Variants in TMEM132A observed in about 807,000 individuals in gnomAD.
TMEM132A encodes GRP78-binding protein.
TMEM132A carries 48 observed loss-of-function variants against 69.9 expected under a neutral mutation model. The ratio of observed to expected loss-of-function variants is 0.69; its 90% CI spans 0.55 to 0.87. TMEM132A has a LOEUF of 0.87. Ranked by LOEUF, TMEM132A falls within the 40% of genes least tolerant of loss-of-function variation. The pLI is 0.00. For missense variants in TMEM132A, 1,287 were observed against 1,407.2 expected, an observed-to-expected ratio of 0.91 and a Z score of 1.37; for synonymous variants, 577 against 613.7, an observed-to-expected ratio of 0.94 and a Z score of 0.88.
At chr11:60,930,100 G>A (rs578038629) in intron 4 of TMEM132A, among the ~76,000 whole-genome samples, 1 of 152,364 alleles carries the variant, frequency 6.6e-6, no homozygotes, top group African/African-American at 2.4e-5. Context: ...AGCATCAGCA[G>A]GTAAAGTAAG....
At position 60,935,756 on chromosome 11, in the gene TMEM132A, G is replaced by C. The variant is rs1488637936; in HGVS notation, c.2029-108G>C. 13 of 1,325,054 alleles carry C rather than the reference G, an allele frequency of 9.8e-6. No individual in the cohort carries two copies. The highest frequency in any genetic ancestry group is 2.1e-5 in the Admixed American group (1 of 47,900). The allele number at this position is 1,325,054 out of a possible 1,614,324, so 82.1% of individuals were successfully genotyped here. A position where few individuals can be genotyped will look rare whatever the true frequency, so the allele number is the denominator to read the frequency against. ...GTTTTGTCTATCTGCCTGTGTCTCT[G>C]TTTTCTCTCTGGTCTCTCCTCCATG... On this transcript the variant is annotated intron_variant, in intron 10 of 10. Transcript: ENST00000453848. This position sits in a 1 kb window ranked among gnomAD's most constrained non-coding sequence, Gnocchi z 5.0.
At position 60,924,731 on chromosome 11, in the gene TMEM132A, G is replaced by A. The variant is rs757440298; in HGVS notation, c.98G>A (p.Arg33Lys). The A allele has an allele frequency of 6.4e-7, 1 of 1,566,438 alleles. No homozygotes were observed. Among genetic ancestry groups the A allele is most frequent in the Non-Finnish European group, 8.6e-7 (1 of 1,164,146 alleles). Residue 33 changes from arginine (R) to lysine (K), a missense_variant and splice_region_variant, in exon 1 of 11, where the codon AGA becomes AAA. Physicochemically the swap from Arg to Lys is conservative, Grantham distance 26. Coordinates refer to ENST00000453848, the MANE Select transcript of TMEM132A (RefSeq NM_178031.3). The stretch of plus-strand genomic sequence containing the variant: ...GTGGCCCTCGCCCTGGACGTCGTGA[G>A]AGGTCAGCGGGAGGGGAGGGCCGGG... Reference protein sequence around the residue: ...LLVALALDVVRVDCGQAPLDP... With the variant: ...LLVALALDVVKVDCGQAPLDP...
intron 1 of TMEM132A, chr11:60,925,131 C>T (rs1455205978): frequency 1.2e-5 from 2 of 163,254 alleles, no homozygotes; most frequent in East Asian, 1.8e-4. Flanking sequence ...CACCAACCCA[C>T]CCCCCTCGGG....
chr11:60,928,690 C>A lies in TMEM132A; in HGVS notation c.596C>A (p.Ser199Tyr). The change falls in exon 4 of 11, where the codon TCC (serine) becomes TAC (tyrosine). Residue 199 changes from serine to tyrosine, a missense_variant. Transcript: ENST00000453848. Reference sequence around the variant, plus strand: ...CCCTCGCACTGGTTCTCACAGGCCTCCACCACACGGGCCGAGCTGGCCTAC... The same window carrying A: ...CCCTCGCACTGGTTCTCACAGGCCTACACCACACGGGCCGAGCTGGCCTAC... Reference protein sequence around the residue: ...ELPSHWFSQASTTRAELAYTL... With the variant: ...ELPSHWFSQAYTTRAELAYTL... 6.2e-7 allele frequency: 1 copy of A among 1,611,154 alleles called. No homozygotes were observed. Among genetic ancestry groups the A allele is most frequent in the Non-Finnish European group, 8.5e-7 (1 of 1,179,846 alleles).
intron 1 of TMEM132A, among the ~76,000 whole-genome samples, chr11:60,926,287 A>G (rs1856345173): frequency 6.6e-6 from 1 of 152,116 alleles, no homozygotes; most frequent in Non-Finnish European, 1.5e-5. Flanking sequence ...AATACCTGGG[A>G]TCAACCCCCA....
rs760031724 is a variant in TMEM132A, at chr11:60,924,693, G to C, written c.60G>C (p.Trp20Cys). The change falls in exon 1 of 11, where the codon TGG (tryptophan) becomes TGC (cysteine). Residue 20 changes from tryptophan (W) to cysteine (C), a missense_variant. Trp to Cys is a radical substitution (Grantham distance 215). Transcript: ENST00000453848. Reference sequence around the variant, plus strand: ...CCCCTCGGGGGCCCTACGGCCCCTGGCTCTGCCTCCTGGTGGCCCTCGCCC... The same window carrying C: ...CCCCTCGGGGGCCCTACGGCCCCTGCCTCTGCCTCCTGGTGGCCCTCGCCC... ...TAAPRGPYGP[W>C]LCLLVALALD... The C allele has an allele frequency of 6.3e-7, 1 of 1,591,028 alleles. No homozygotes were observed. Among genetic ancestry groups the C allele is most frequent in the Non-Finnish European group, 8.5e-7 (1 of 1,175,550 alleles).
intron 1 of TMEM132A, 197 bp from the exon 2 acceptor site, chr11:60,927,007 G>A (rs1565118686): frequency 8.0e-6 from 5 of 627,924 alleles, no homozygotes; most frequent in South Asian, 1.8e-5. Context: ...TCGAATCCTG[G>A]CTTTGCTACA....
chr11:60,930,514 A>G lies in TMEM132A; in HGVS notation c.871A>G (p.Lys291Glu). Residue 291 changes from lysine to glutamate, a missense_variant, in exon 5 of 11, where the codon AAG (lysine) becomes GAG (glutamate). Transcript: ENST00000453848. ...FTASLLTLRI[K>E]VKKGLHVTAA... ...AGCCTATACTCTCTTCCCCAGGATC[A>G]AGGTGAAGAAGGGGCTGCATGTGAC... The G allele has an allele frequency of 1.2e-6, 2 of 1,602,068 alleles. No individual in the cohort carries two copies. Among genetic ancestry groups the G allele is most frequent in the Non-Finnish European group, 1.7e-6 (2 of 1,174,126 alleles).
rs899958405 is a variant in TMEM132A, at chr11:60,931,747, G to C, written c.1075G>C (p.Gly359Arg). The C allele has an allele frequency of 3.1e-6, 5 of 1,614,082 alleles. No homozygotes were observed. Among genetic ancestry groups the C allele is most frequent in the South Asian group, 1.1e-5 (1 of 91,084 alleles). The stretch of plus-strand genomic sequence containing the variant: ...CTTTGTGGTGGAGAATAGCACTGGT[G>C]GGGGCGTAGCGGTCACTCGCCCCGT... Reference protein sequence around the residue: ...VDFVVENSTGGGVAVTRPVTW... With the variant: ...VDFVVENSTGRGVAVTRPVTW... The change falls in exon 6 of 11, where the codon GGG becomes CGG. Residue 359 changes from glycine (G) to arginine (R), a missense_variant. Transcript: ENST00000453848.
chr11:60,936,205 C>G lies in TMEM132A; in HGVS notation c.2370C>G (p.Thr790=). 8 of 1,614,100 alleles carry G rather than the reference C, an allele frequency of 5.0e-6. No individual in the cohort carries two copies. The highest frequency in any genetic ancestry group is 5.9e-6 in the Non-Finnish European group (7 of 1,179,984). Residue 790 remains threonine (T), a synonymous_variant, in exon 11 of 11, where the codon ACC becomes ACG. Coordinates refer to ENST00000453848, the MANE Select transcript of TMEM132A (RefSeq NM_178031.3). ...PAWSPPATEA[T]MGGKRQVAGS... is the part of the protein sequence containing the mutation. ...GGAGCCCACCAGCCACAGAAGCCAC[C>G]ATGGGTGGTAAACGGCAGGTGGCAG...
intron 4 of TMEM132A, 138 bp downstream of exon 4, chr11:60,929,098 C>G (rs1856420566): frequency 2.3e-6 from 2 of 867,316 alleles, no homozygotes; most frequent in African/African-American, 1.7e-5. Context: ...AAACTCCTTC[C>G]AGGTAAAAAG....
chr11:60,934,534 G>A lies in TMEM132A; in HGVS notation c.1606G>A (p.Ala536Thr), dbSNP rs933605439. 6.9e-5 allele frequency: 101 copies of A among 1,470,876 alleles called. No individual in the cohort carries two copies. Among genetic ancestry groups the A allele is most frequent in the Non-Finnish European group, 8.6e-5 (96 of 1,120,550 alleles). 91.1% of individuals were successfully genotyped at this position (1,470,876 alleles called of 1,614,324 possible). ...AEASDEAERR[A>T]RGCHLQYQRA... ...GGCGTCGGATGAGGCCGAGCGGCGCGCCCGTGGCTGCCACCTGCAGTACCA... is the reference window on the plus strand; with the variant it reads ...GGCGTCGGATGAGGCCGAGCGGCGCACCCGTGGCTGCCACCTGCAGTACCA... Residue 536 changes from alanine to threonine, a missense_variant, in exon 9 of 11, where the codon GCC (alanine) becomes ACC (threonine). Transcript: ENST00000453848.
Position 60,931,714 on chromosome 11 carries a change from T to C in TMEM132A, c.1042T>C (p.Trp348Arg). 1 of 1,613,958 alleles carries C rather than the reference T, an allele frequency of 6.2e-7. No individual in the cohort carries two copies. The highest frequency in any genetic ancestry group is 8.5e-7 in the Non-Finnish European group (1 of 1,179,890). Residue 348 changes from tryptophan (W) to arginine (R), a missense_variant, in exon 6 of 11, where the codon TGG becomes CGG. Trp to Arg is a moderately radical substitution (Grantham distance 101). Coordinates refer to ENST00000453848, the MANE Select transcript of TMEM132A (RefSeq NM_178031.3). ...SSPLELSEFLWVDFVVENSTG... is the reference protein window; with the variant it reads ...SSPLELSEFLRVDFVVENSTG... Reference sequence around the variant, plus strand: ...TCCCCTTGAACTGTCTGAGTTCCTATGGGTGGACTTTGTGGTGGAGAATAG... The same window carrying C: ...TCCCCTTGAACTGTCTGAGTTCCTACGGGTGGACTTTGTGGTGGAGAATAG...
Position 60,935,312 on chromosome 11 carries a change from A to C in TMEM132A, c.1897A>C (p.Lys633Gln), listed in dbSNP as rs1396324304. The C allele has an allele frequency of 1.9e-6, 3 of 1,613,016 alleles. No individual in the cohort carries two copies. The highest frequency in any genetic ancestry group is 2.5e-6 in the Non-Finnish European group (3 of 1,179,750). The change falls in exon 10 of 11, where the codon AAG becomes CAG. Residue 633 changes from lysine to glutamine, a missense_variant. Transcript: ENST00000453848. This position sits in a 1 kb window ranked among gnomAD's most constrained non-coding sequence, Gnocchi z 5.0. The part of the protein sequence containing the change: ...GEQALAVTDD[K>Q]VSVLELRVQP... Reference sequence around the variant, plus strand: ...GCAGGCGCTGGCTGTGACGGACGACAAGGTCTCAGTGCTGGAGCTGAGGGT... The same window carrying C: ...GCAGGCGCTGGCTGTGACGGACGACCAGGTCTCAGTGCTGGAGCTGAGGGT...
Position 60,932,010 on chromosome 11 carries a change from A to G in TMEM132A, c.1239A>G (p.Pro413=). ...CTGAGGAGCTGGTGAATACAGCACC[A>G]CTGACTGGAGTGCCCCAGCATGTCC... The part of the protein sequence containing the change: ...AKAEELVNTA[P]LTGVPQHVPV... Residue 413 remains proline, a synonymous_variant, in exon 7 of 11, where the codon CCA becomes CCG. Coordinates refer to ENST00000453848, the MANE Select transcript of TMEM132A (RefSeq NM_178031.3). 8.7e-6 allele frequency: 14 copies of G among 1,603,178 alleles called. No homozygotes were observed. Among genetic ancestry groups the G allele is most frequent in the Non-Finnish European group, 1.1e-5 (13 of 1,174,794 alleles).
Position 60,936,403 on chromosome 11 carries a change from C to A in TMEM132A, c.2568C>A (p.Val856=), listed in dbSNP as rs1427443293. 1 of 1,614,048 alleles carries A rather than the reference C, an allele frequency of 6.2e-7. No individual in the cohort carries two copies. The highest frequency in any genetic ancestry group is 8.5e-7 in the Non-Finnish European group (1 of 1,180,016). Reference sequence around the variant, plus strand: ...TGGGCATGTACGCCCTGCTGGGAGTCTTCTGCGTGGCCATCTTCATCTTCT... The same window carrying A: ...TGGGCATGTACGCCCTGCTGGGAGTATTCTGCGTGGCCATCTTCATCTTCT... The part of the protein sequence containing the change: ...LELGMYALLG[V]FCVAIFIFLV... Residue 856 remains valine, a synonymous_variant, in exon 11 of 11, where the codon GTC becomes GTA. Transcript: ENST00000453848.
chr11:60,929,852 C>A (rs1465857103), intron 4 of TMEM132A, among the ~76,000 whole-genome samples: 1 of 152,174 alleles, frequency 6.6e-6, no homozygotes, highest in Non-Finnish European at 1.5e-5. Context: ...TGTGTCTTCA[C>A]TCTGCAGATC....
In TMEM132A at chr11:60,935,189, T is replaced by A. The variant is rs1473388380; in HGVS notation, c.1837-63T>A. The A allele has an allele frequency of 6.7e-7, 1 of 1,492,670 alleles. No individual in the cohort carries two copies. The highest frequency in any genetic ancestry group is 9.1e-7 in the Non-Finnish European group (1 of 1,097,814). The allele number at this position is 1,492,670 out of a possible 1,614,324, so 92.5% of individuals were successfully genotyped here. A position where few individuals can be genotyped will look rare whatever the true frequency, so the allele number is the denominator to read the frequency against. On this transcript the variant is annotated intron_variant, in intron 9 of 10. Transcript: ENST00000453848. The surrounding 1 kb of genome is among the most constrained non-coding windows in gnomAD (Gnocchi z 5.0). Reference sequence around the variant, plus strand: ...CGTGAGGGTGCTGGGAGCACCCGGTTCCCTCTGGGTGGGGGCTGTCTGTAT... The same window carrying A: ...CGTGAGGGTGCTGGGAGCACCCGGTACCCTCTGGGTGGGGGCTGTCTGTAT...
Position 60,930,665 on chromosome 11 carries a change from C to A in TMEM132A, c.1016+6C>A. On this transcript the variant is annotated splice_donor_region_variant and intron_variant, in intron 5 of 10. Coordinates refer to ENST00000453848, the MANE Select transcript of TMEM132A (RefSeq NM_178031.3). ...CTCACAGAGCCAGATTCCAGGTGGG[C>A]AGTTTCCCTCCACCCAGGGGGCAAA... 6.2e-7 allele frequency: 1 copy of A among 1,603,236 alleles called. No individual in the cohort carries two copies. The highest frequency in any genetic ancestry group is 1.7e-5 in the Admixed American group (1 of 58,726).
Sources: allele counts gnomAD v4.1 joint callset (sites outside exome capture counted in the v4.1 genomes callset), GRCh38; gene constraint gnomAD v4.1.1; non-coding constraint Gnocchi (gnomAD v3.1); transcripts MANE v1.5; gene names NCBI Gene and HGNC (gene_info 2026-07-23, HGNC 2026-07-21).